The following CTNNA2 variants were observed in gnomAD, a reference collection of about 807,000 sequenced individuals.
The protein encoded by CTNNA2 is catenin alpha 2, also known as catenin alpha-2.
CTNNA2 carries 42 observed loss-of-function variants against 101.0 expected under a neutral mutation model. The ratio of observed to expected loss-of-function variants is 0.42; its 90% CI spans 0.32 to 0.54. CTNNA2 has a LOEUF of 0.54. Ranked by LOEUF, CTNNA2 falls within the 20% of genes least tolerant of loss-of-function variation. The pLI, the probability that CTNNA2 is intolerant of heterozygous loss-of-function variation, is 0.14. For missense variants in CTNNA2, 871 were observed against 1,223.1 expected, an observed-to-expected ratio of 0.71 and a Z score of 4.29; for synonymous variants, 450 against 456.4, an observed-to-expected ratio of 0.99 and a Z score of 0.18.
chr2:80,273,217 C>G (rs1193374344), intron 7 of CTNNA2, among the ~76,000 whole-genome samples: 1 of 152,064 alleles, frequency 6.6e-6, no homozygotes, highest in Non-Finnish European at 1.5e-5. Flanking sequence ...AAGGTTGAAA[C>G]CTGACAACTT....
At chr2:79,190,350 G>A (rs1299898801) in intron 1 of CTNNA2, among the ~76,000 whole-genome samples, 1 of 151,912 alleles carries the variant, frequency 6.6e-6, no homozygotes, top group Admixed American at 6.6e-5. Context: ...TTCTCTCTGC[G>A]ATTTTGTTTC....
chr2:79,729,517 A>G (rs1687072886), intron 2 of CTNNA2, among the ~76,000 whole-genome samples: 1 of 152,146 alleles, frequency 6.6e-6, no homozygotes, highest in African/African-American at 2.4e-5. Context: ...CTAATTATCC[A>G]GGGCCCATTC....
At chr2:80,307,411 G>A (rs968740128) in intron 7 of CTNNA2, among the ~76,000 whole-genome samples, 1 of 151,906 alleles carries the variant, frequency 6.6e-6, no homozygotes, top group Non-Finnish European at 1.5e-5. Flanking sequence ...ACAGCAAGTC[G>A]ATATGGCTGT....
At chr2:80,461,036 G>A (rs554692727) in intron 9 of CTNNA2, among the ~76,000 whole-genome samples, 39 of 152,288 alleles carry the variant, frequency 2.6e-4, no homozygotes, top group Middle Eastern at 3.4e-3. Flanking sequence ...AATCTTTAAT[G>A]ATAGAGATAC....
chr2:79,442,932 C>T (rs1678792071), intron 4 of CTNNA2, among the ~76,000 whole-genome samples: 1 of 152,074 alleles, frequency 6.6e-6, no homozygotes, highest in South Asian at 2.1e-4. Context: ...CACTTCTGAT[C>T]ATCAAAAACT....
intron 9 of CTNNA2, among the ~76,000 whole-genome samples, chr2:80,532,238 G>T (rs958479178): frequency 6.6e-6 from 1 of 152,136 alleles, no homozygotes; most frequent in African/African-American, 2.4e-5. Context: ...TGGAGTTTCA[G>T]TTACCAGTGG....
At chr2:79,627,798 GACT>G (rs1289989912) in intron 1 of CTNNA2, among the ~76,000 whole-genome samples, 1 of 152,070 alleles carries the variant, frequency 6.6e-6, no homozygotes, top group African/African-American at 2.4e-5. Context: ...TTTAGTGTAT[GACT>G]ACACTTTATG....
intron 18 of CTNNA2, 95 bp downstream of exon 18, chr2:80,619,323 C>G (rs189642190): frequency 7.6e-7 from 1 of 1,309,268 alleles, no homozygotes; most frequent in African/African-American, 1.5e-5. Flanking sequence ...AAAATGTGCC[C>G]ACTGAAGGCC....
intron 4 of CTNNA2, among the ~76,000 whole-genome samples, chr2:79,458,124 T>G (rs967706411): frequency 6.6e-6 from 1 of 152,172 alleles, no homozygotes; most frequent in African/African-American, 2.4e-5. Context: ...AGTTTTAATG[T>G]TTAGAACCAA....
chr2:79,569,129 C>G (rs1249104928), intron 1 of CTNNA2, among the ~76,000 whole-genome samples: 2 of 152,136 alleles, frequency 1.3e-5, no homozygotes, highest in Non-Finnish European at 2.9e-5. Flanking sequence ...TCACTTCTTA[C>G]TGTGTCTTGA....
chr2:79,298,992 T>C (rs1676045417), intron 2 of CTNNA2, among the ~76,000 whole-genome samples: 1 of 152,218 alleles, frequency 6.6e-6, no homozygotes, highest in Non-Finnish European at 1.5e-5. Flanking sequence ...AGCTCTTCAT[T>C]TGAAGAGCTT....
Position 80,419,302 on chromosome 2 carries a change from A to G in CTNNA2, c.1138-147A>G, listed in dbSNP as rs17019173. 2.0e-3 allele frequency: 1,211 copies of G among 606,372 alleles called. 11 individuals are homozygous for G. Among genetic ancestry groups the G allele is most frequent in the African/African-American group, 0.019 (1,038 of 53,940 alleles). The allele number at this position is 606,372 out of a possible 1,614,324, so 37.6% of individuals were successfully genotyped here. A position where few individuals can be genotyped will look rare whatever the true frequency, so the allele number is the denominator to read the frequency against. On this transcript the variant is annotated intron_variant, in intron 8 of 18. Coordinates refer to ENST00000402739, the MANE Select transcript of CTNNA2 (RefSeq NM_001282597.3). ...TCCATCAGTCATTGGTTTTCCTTTA[A>G]TAATGTAAGCACTGGGAAAATTTTA...
chr2:79,293,218 T>C (rs1675874420), intron 2 of CTNNA2: 1 of 152,170 alleles, frequency 6.6e-6, no homozygotes, highest in South Asian at 2.1e-4. Flanking sequence ...GGTTTTGCAG[T>C]ATTGAGCCAC....
At chr2:79,285,138 G>C (rs1389706775) in intron 2 of CTNNA2, among the ~76,000 whole-genome samples, 2 of 151,352 alleles carry the variant, frequency 1.3e-5, no homozygotes, top group African/African-American at 4.9e-5. Flanking sequence ...GTGTCTATTT[G>C]ATTCTTTTTT....
At chr2:80,119,671 ATAG>A (rs761314957) in intron 7 of CTNNA2, among the ~76,000 whole-genome samples, 1 of 152,220 alleles carries the variant, frequency 6.6e-6, no homozygotes. Flanking sequence ...TGAAAACTTT[ATAG>A]TTTCTGAATC....
intron 2 of CTNNA2, among the ~76,000 whole-genome samples, chr2:79,719,307 C>A (rs1291614130): frequency 2.6e-5 from 4 of 152,132 alleles, no homozygotes; most frequent in African/African-American, 9.7e-5. Context: ...TTTATCCAAT[C>A]CACCATTAAT....
chr2:79,411,327 T>C (rs1415611747), intron 4 of CTNNA2, among the ~76,000 whole-genome samples: 1 of 152,070 alleles, frequency 6.6e-6, no homozygotes, highest in African/African-American at 2.4e-5. Flanking sequence ...TTTAGTTATT[T>C]CTTGCCTTCT....
chr2:79,232,866 G>T (rs1431079203), intron 2 of CTNNA2, among the ~76,000 whole-genome samples: 1 of 152,044 alleles, frequency 6.6e-6, no homozygotes, highest in Non-Finnish European at 1.5e-5. Context: ...TTTCGTATTT[G>T]CATGGAATTG....
intron 1 of CTNNA2, among the ~76,000 whole-genome samples, chr2:79,626,184 A>G (rs185519068): frequency 3.3e-5 from 5 of 152,190 alleles, no homozygotes; most frequent in African/African-American, 1.2e-4. Flanking sequence ...TTAATAGAAC[A>G]CAGCAAGTGG....
Sources: gnomAD v4.1 joint callset for allele counts (sites outside exome capture counted in the v4.1 genomes callset) on GRCh38, gnomAD v4.1.1 for gene constraint, MANE v1.5 for transcripts, NCBI Gene and HGNC (gene_info 2026-07-23, HGNC 2026-07-21) for gene names.